ACVR1C: variants seen among roughly 807,000 people sequenced by gnomAD.
The protein encoded by ACVR1C is activin A receptor type 1C, also known as activin receptor type-1C.
Under a neutral mutation model 57.9 loss-of-function variants are expected in ACVR1C, and 23 were observed. The observed-to-expected ratio is 0.40, with a 90% CI of 0.29 to 0.56. The LOEUF (loss-of-function observed/expected upper bound fraction) is 0.56. Ranked by LOEUF, ACVR1C falls within the 20% of genes least tolerant of loss-of-function variation. The pLI is 0.50. For synonymous variants in ACVR1C, 214 were observed against 215.3 expected, an observed-to-expected ratio of 0.99 and a Z score of 0.05; for missense variants, 480 against 607.9, an observed-to-expected ratio of 0.79 and a Z score of 2.21.
intron 5 of ACVR1C, 105 bp from the exon 6 acceptor site, chr2:157,542,967 T>TGAAGAAAAC: frequency 8.5e-7 from 1 of 1,173,342 alleles, no homozygotes; most frequent in Non-Finnish European, 1.2e-6. Context: ...AAAAAGAGTT[T>TGAAGAAAAC]TCTTCAAAGC....
chr2:157,533,532 G>A lies in ACVR1C; in HGVS notation c.*386C>T, dbSNP rs1341705806. On this transcript the variant is annotated 3_prime_UTR_variant, in exon 9 of 9. Coordinates refer to ENST00000243349, the MANE Select transcript of ACVR1C (RefSeq NM_145259.3). ...TCTAATTTGCATGTTTAATTAATAT[G>A]TTTTCATCTCAGAAAAAAATGTTTT... 6.5e-6 allele frequency: 1 copy of A among 153,252 alleles called. No homozygotes were observed. Among genetic ancestry groups the A allele is most frequent in the Non-Finnish European group, 1.5e-5 (1 of 68,512 alleles). The allele number at this position is 153,252 out of a possible 1,614,324, so 9.5% of individuals were successfully genotyped here.
chr2:157,557,061 A>G (rs1688121942), intron 2 of ACVR1C, among the ~76,000 whole-genome samples: 1 of 152,208 alleles, frequency 6.6e-6, no homozygotes, highest in South Asian at 2.1e-4. Flanking sequence ...TACTGGAGAT[A>G]CAATGGTGAG....
Position 157,534,052 on chromosome 2 carries a change from G to GA in ACVR1C, c.1357-10dup. ...CCCATGACTCGGAGTGCCTTTAAGA[G>GA]AGAAAAAAAAAATCAAAGACTTTAG... On this transcript the variant is annotated splice_polypyrimidine_tract_variant and intron_variant, in intron 8 of 8. Transcript: ENST00000243349. 2.0e-6 allele frequency: 3 copies of GA among 1,503,988 alleles called. No individual in the cohort carries two copies. Among genetic ancestry groups the GA allele is most frequent in the Admixed American group, 2.4e-5 (1 of 41,218 alleles). The allele number at this position is 1,503,988 out of a possible 1,614,324, so 93.2% of individuals were successfully genotyped here.
chr2:157,548,466 G>A (rs563156044), intron 4 of ACVR1C, among the ~76,000 whole-genome samples: 6 of 151,320 alleles, frequency 4.0e-5, no homozygotes, highest in African/African-American at 7.3e-5. Context: ...AGCCCACATC[G>A]CCAAGTCAAT....
rs189454941 is a variant in ACVR1C at position 157,551,331 on chromosome 2, G to A, written c.545-939C>T. Among the ~76,000 whole-genome samples, 244 of 152,262 alleles carry A rather than the reference G, an allele frequency of 1.6e-3. 1 individual carries two copies. Among genetic ancestry groups the A allele is most frequent in the Non-Finnish European group, 3.0e-3 (204 of 68,032 alleles). On this transcript the variant is annotated intron_variant, in intron 3 of 8. Coordinates refer to ENST00000243349, the MANE Select transcript of ACVR1C (RefSeq NM_145259.3). The stretch of plus-strand genomic sequence containing the variant: ...ATAAGCATGTTCAGCACCTAGCACA[G>A]TATCTGGCATATTACATGTTCAATA...
At position 157,542,818 on chromosome 2, in the gene ACVR1C, A is replaced by C; in HGVS notation, c.988T>G (p.Leu330Val). The change falls in exon 6 of 9, where the codon TTA becomes GTA. Residue 330 changes from leucine (L) to valine (V), a missense_variant. Physicochemically the swap from Leu to Val is conservative, Grantham distance 32. Coordinates refer to ENST00000243349, the MANE Select transcript of ACVR1C (RefSeq NM_145259.3). ...GCACAAGTTTCACACTTTTTCACTAAGATATTCTTTGATTTTATGTCTCGA... is the reference window on the plus strand; with the variant it reads ...GCACAAGTTTCACACTTTTTCACTACGATATTCTTTGATTTTATGTCTCGA... Reference protein sequence around the residue: ...AHRDIKSKNILVKKCETCAIA... With the variant: ...AHRDIKSKNIVVKKCETCAIA... The C allele has an allele frequency of 1.2e-6, 2 of 1,614,078 alleles. No homozygotes were observed. The highest frequency in any genetic ancestry group is 1.7e-6 in the Non-Finnish European group (2 of 1,179,972).
Position 157,527,922 on chromosome 2 carries a change from G to A in ACVR1C, c.*5996C>T, listed in dbSNP as rs1687266355. 1 of 152,130 alleles carries A rather than the reference G, an allele frequency of 6.6e-6. No individual in the cohort carries two copies. The highest frequency in any genetic ancestry group is 1.5e-5 in the Non-Finnish European group (1 of 68,018). 9.4% of individuals were successfully genotyped at this position (152,130 alleles called of 1,614,324 possible). On this transcript the variant is annotated 3_prime_UTR_variant, in exon 9 of 9. Transcript: ENST00000243349. ...ACGATATCAAAATTGGGGTCCATGT[G>A]CCTTGCTGCAGATTGTCTGGGTTGA...
At chr2:157,535,457 A>G (rs1324138140) in intron 8 of ACVR1C, among the ~76,000 whole-genome samples, 2 of 152,232 alleles carry the variant, frequency 1.3e-5, no homozygotes, top group African/African-American at 4.8e-5. Context: ...AAAAGGAAAG[A>G]GAAATACAAA....
chr2:157,548,968 C>T (rs1280319905), intron 4 of ACVR1C, among the ~76,000 whole-genome samples: 1 of 152,150 alleles, frequency 6.6e-6, no homozygotes, highest in South Asian at 2.1e-4. Context: ...ACAGCCCTAA[C>T]AAAGTTGAAC....
At chr2:157,555,365 C>T (rs532654078) in intron 3 of ACVR1C, among the ~76,000 whole-genome samples, 1 of 151,318 alleles carries the variant, frequency 6.6e-6, no homozygotes, top group African/African-American at 2.4e-5. Context: ...ATGATCCACC[C>T]GCCTCGGCCT....
chr2:157,553,882 T>G (rs1687981785), intron 3 of ACVR1C, among the ~76,000 whole-genome samples: 1 of 152,006 alleles, frequency 6.6e-6, no homozygotes, highest in East Asian at 1.9e-4. Context: ...CAACAAGTTT[T>G]AATTTTAAAG....
chr2:157,585,092 G>A (rs546652688), intron 2 of ACVR1C, among the ~76,000 whole-genome samples: 1 of 152,238 alleles, frequency 6.6e-6, no homozygotes, highest in South Asian at 2.1e-4. Context: ...TGGTGGAAGT[G>A]GGACTGAGAA....
At chr2:157,580,066 AAC>A (rs371320436) in intron 2 of ACVR1C, among the ~76,000 whole-genome samples, 79 of 149,354 alleles carry the variant, frequency 5.3e-4, no homozygotes, top group African/African-American at 8.8e-4. Flanking sequence ...TCTTGCAATT[AAC>A]ACACACACAC....
At chr2:157,627,523 C>A (rs1225422466) in intron 1 of ACVR1C, among the ~76,000 whole-genome samples, 1 of 152,144 alleles carries the variant, frequency 6.6e-6, no homozygotes, top group Non-Finnish European at 1.5e-5. Context: ...TACATGACAG[C>A]AATCATATCA....
intron 1 of ACVR1C, among the ~76,000 whole-genome samples, chr2:157,606,025 C>T (rs1379097098): frequency 1.3e-5 from 2 of 151,534 alleles, no homozygotes; most frequent in Non-Finnish European, 1.5e-5. Flanking sequence ...AGTTTTTTAA[C>T]TCCCACATAT....
intron 1 of ACVR1C, among the ~76,000 whole-genome samples, chr2:157,619,963 A>C (rs1237650000): frequency 2.0e-5 from 3 of 152,008 alleles, no homozygotes; most frequent in Non-Finnish European, 4.4e-5. Context: ...GCAAAAAAAA[A>C]CTTCATGGTA....
rs1299808804 is a variant in ACVR1C, at chr2:157,529,587, T to C, written c.*4331A>G. 1 of 152,050 alleles carries C rather than the reference T, an allele frequency of 6.6e-6. No homozygotes were observed. Among genetic ancestry groups the C allele is most frequent in the Non-Finnish European group, 1.5e-5 (1 of 67,960 alleles). The allele number at this position is 152,050 out of a possible 1,614,324, so 9.4% of individuals were successfully genotyped here. The stretch of plus-strand genomic sequence containing the variant: ...TAGTAACTAGTAGTCATTTAATCTC[T>C]GATCCTTGGTTTCGTCATCTACACA... On this transcript the variant is annotated 3_prime_UTR_variant, in exon 9 of 9. Coordinates refer to ENST00000243349, the MANE Select transcript of ACVR1C (RefSeq NM_145259.3).
chr2:157,590,710 T>C (rs988968051), intron 1 of ACVR1C, among the ~76,000 whole-genome samples: 1 of 151,988 alleles, frequency 6.6e-6, no homozygotes, highest in African/African-American at 2.4e-5. Context: ...TATAGAGCCA[T>C]ATAGATAAAA....
intron 2 of ACVR1C, among the ~76,000 whole-genome samples, chr2:157,561,868 T>C (rs1387277005): frequency 6.6e-6 from 1 of 152,214 alleles, no homozygotes; most frequent in Non-Finnish European, 1.5e-5. Flanking sequence ...TTGCTTTGTA[T>C]GCATTGACTG....
Sources: allele counts gnomAD v4.1 joint callset (sites outside exome capture counted in the v4.1 genomes callset), GRCh38; gene constraint gnomAD v4.1.1; transcripts MANE v1.5; gene names NCBI Gene and HGNC (gene_info 2026-07-23, HGNC 2026-07-21).